PEX5L: variants seen among roughly 807,000 people sequenced by gnomAD.
PEX5L encodes the protein peroxisomal biogenesis factor 5 like, also known as PEX5-related protein.
A neutral mutation model predicts 84.0 loss-of-function variants in PEX5L; 30 were observed. The observed-to-expected ratio is 0.36, with a 90% CI of 0.27 to 0.48. The LOEUF (loss-of-function observed/expected upper bound fraction) is 0.48. Ranked by LOEUF, PEX5L falls within the 20% of genes least tolerant of loss-of-function variation. The probability of loss-of-function intolerance (pLI) is 0.99; values close to 1 mark genes in which losing one functional copy is unlikely to be tolerated. For missense variants in PEX5L, 533 were observed against 754.6 expected, an observed-to-expected ratio of 0.71 and a Z score of 3.44; for synonymous variants, 270 against 283.1, an observed-to-expected ratio of 0.95 and a Z score of 0.46.
chr3:180,023,641 A>T (rs1420872956), intron 1 of PEX5L, among the ~76,000 whole-genome samples: 1 of 152,204 alleles, frequency 6.6e-6, no homozygotes, highest in Non-Finnish European at 1.5e-5. Flanking sequence ...AAAGCCAGTA[A>T]GCCTTTAAAG....
Position 179,809,510 on chromosome 3 carries a change from G to A in PEX5L, c.1313C>T (p.Pro438Leu), listed in dbSNP as rs1262499043. The change falls in exon 12 of 15, where the codon CCA (proline) becomes CTA (leucine). Residue 438 changes from proline (P) to leucine (L), a missense_variant. This residue lies in a region of PEX5L where 63 missense variants were observed against 60.2 expected (regional missense o/e 1.05). Transcript: ENST00000467460. ...KYLVKSKKGS[P>L]GLTRRMSKSP... The stretch of plus-strand genomic sequence containing the variant: ...CTTAGACATCCGCCGGGTGAGGCCT[G>A]GAGATCCCTTCTTGCTTTTCACAAG... The A allele has an allele frequency of 4.3e-6, 7 of 1,613,978 alleles. No homozygotes were observed. Among genetic ancestry groups the A allele is most frequent in the African/African-American group, 1.3e-5 (1 of 74,908 alleles).
At position 179,836,509 on chromosome 3, in the gene PEX5L, T is replaced by C. The variant is rs188736190; in HGVS notation, c.823-16533A>G. On this transcript the variant is annotated intron_variant, in intron 8 of 14. Coordinates refer to ENST00000467460, the MANE Select transcript of PEX5L (RefSeq NM_016559.3). The stretch of plus-strand genomic sequence containing the variant: ...AAACTAAGTGATTTATTTGACCTTT[T>C]GAGAAATCAGGAGAGAGAGAAGAGA... 3.6e-3 allele frequency among the ~76,000 whole-genome samples: 544 copies of C among 152,266 alleles called. 6 individuals carry two copies. The highest frequency in any genetic ancestry group is 0.012 in the African/African-American group (517 of 41,566).
At chr3:179,803,539 A>C (rs1719944369) in intron 14 of PEX5L, among the ~76,000 whole-genome samples, 1 of 152,188 alleles carries the variant, frequency 6.6e-6, no homozygotes, top group South Asian at 2.1e-4. Context: ...TGCCAGGTGC[A>C]CCTGCTGGGT....
chr3:180,034,717 T>C (rs1791748491), intron 1 of PEX5L, among the ~76,000 whole-genome samples: 3 of 152,160 alleles, frequency 2.0e-5, no homozygotes, highest in African/African-American at 7.2e-5. Context: ...GGTGGATGTA[T>C]TGATTACAGT....
At chr3:179,885,714 C>T (rs1011542235) in intron 4 of PEX5L, among the ~76,000 whole-genome samples, 8 of 151,310 alleles carry the variant, frequency 5.3e-5, no homozygotes, top group Non-Finnish European at 4.4e-5. Flanking sequence ...GGGAAGCACA[C>T]ATGCAGAGAA....
intron 2 of PEX5L, among the ~76,000 whole-genome samples, chr3:179,961,193 G>A (rs1164128928): frequency 1.5e-5 from 2 of 137,912 alleles, no homozygotes; most frequent in Non-Finnish European, 3.2e-5. Flanking sequence ...GATCACTTGT[G>A]TATGTGTATG....
Position 179,796,009 on chromosome 3 carries a change from G to A in PEX5L, c.*5819C>T, listed in dbSNP as rs967839707. 6.6e-6 allele frequency: 1 copy of A among 152,066 alleles called. No individual in the cohort carries two copies. The highest frequency in any genetic ancestry group is 2.4e-5 in the African/African-American group (1 of 41,420). 9.4% of individuals were successfully genotyped at this position (152,066 alleles called of 1,614,324 possible). On this transcript the variant is annotated 3_prime_UTR_variant, in exon 15 of 15. Transcript: ENST00000467460. ...ATTTCCCTTAACTACTGGTAATGTA[G>A]TCCATCATGAACACATTTCTCACAT...
intron 1 of PEX5L, among the ~76,000 whole-genome samples, chr3:179,996,095 T>C (rs1302069723): frequency 6.6e-6 from 1 of 152,128 alleles, no homozygotes; most frequent in African/African-American, 2.4e-5. Flanking sequence ...CTTGAGGTAG[T>C]TGCCAAGCAA....
At position 179,958,602 on chromosome 3, in the gene PEX5L, C is replaced by T. The variant is rs113573134; in HGVS notation, c.93+12992G>A. The stretch of plus-strand genomic sequence containing the variant: ...ACAAATATCGGGTTAACAAGTTTCA[C>T]CTCTTGGTCTCCCTCATTTATGCTT... On this transcript the variant is annotated intron_variant, in intron 2 of 14. Coordinates refer to ENST00000467460, the MANE Select transcript of PEX5L (RefSeq NM_016559.3). Among the ~76,000 whole-genome samples, 31 of 152,268 alleles carry T rather than the reference C, an allele frequency of 2.0e-4. 1 individual carries two copies. Among genetic ancestry groups the T allele is most frequent in the Admixed American group, 7.2e-4 (11 of 15,296 alleles).
intron 3 of PEX5L, among the ~76,000 whole-genome samples, chr3:179,894,619 T>C (rs962511667): frequency 6.6e-6 from 1 of 152,110 alleles, no homozygotes; most frequent in African/African-American, 2.4e-5. Flanking sequence ...AAGTTAGAAA[T>C]GGAAACCCAA....
chr3:179,828,144 A>G (rs538228465), intron 8 of PEX5L, among the ~76,000 whole-genome samples: 9 of 152,020 alleles, frequency 5.9e-5, no homozygotes, highest in East Asian at 5.8e-4. Context: ...GTAATTTCCC[A>G]TTCACTGATA....
chr3:180,000,503 A>G (rs1370966236), intron 1 of PEX5L, among the ~76,000 whole-genome samples: 1 of 152,156 alleles, frequency 6.6e-6, no homozygotes, highest in Non-Finnish European at 1.5e-5. Context: ...AGGAAAAAAA[A>G]CCACGACCTG....
At chr3:179,988,545 C>T (rs180801387) in intron 1 of PEX5L, among the ~76,000 whole-genome samples, 1 of 152,266 alleles carries the variant, frequency 6.6e-6, no homozygotes, top group Non-Finnish European at 1.5e-5. Context: ...ATGTACACTT[C>T]CCCCACATCT....
intron 8 of PEX5L, among the ~76,000 whole-genome samples, chr3:179,820,721 G>A (rs1728192061): frequency 6.6e-6 from 1 of 152,258 alleles, no homozygotes; most frequent in Non-Finnish European, 1.5e-5. Context: ...CAAGGGAGGT[G>A]TGTGTTCCTA....
intron 8 of PEX5L, among the ~76,000 whole-genome samples, chr3:179,851,826 T>C (rs1338431860): frequency 6.6e-6 from 1 of 152,186 alleles, no homozygotes; most frequent in East Asian, 1.9e-4. Context: ...AAGGTTTTCA[T>C]TCATTCTCTT....
At chr3:179,952,355 G>T (rs1384648517) in intron 2 of PEX5L, among the ~76,000 whole-genome samples, 1 of 152,072 alleles carries the variant, frequency 6.6e-6, no homozygotes, top group Non-Finnish European at 1.5e-5. Context: ...ATTTCAGAAA[G>T]GGTCTACCGC....
At chr3:179,976,310 C>T (rs1017275709) in intron 1 of PEX5L, among the ~76,000 whole-genome samples, 1 of 152,146 alleles carries the variant, frequency 6.6e-6, no homozygotes, top group Non-Finnish European at 1.5e-5. Flanking sequence ...AAGTCATTAA[C>T]GACTTCAGGA....
chr3:179,848,417 G>A (rs1368902918), intron 8 of PEX5L, among the ~76,000 whole-genome samples: 2 of 151,840 alleles, frequency 1.3e-5, no homozygotes, highest in Non-Finnish European at 2.9e-5. Flanking sequence ...CAGGCATGGT[G>A]GTACATGTCT....
At chr3:179,909,956 C>A (rs1764607092) in intron 2 of PEX5L, among the ~76,000 whole-genome samples, 1 of 152,188 alleles carries the variant, frequency 6.6e-6, no homozygotes, top group African/African-American at 2.4e-5. Context: ...CTTAAGCCAC[C>A]AATCTGTGGT....
Sources: allele counts gnomAD v4.1 joint callset (sites outside exome capture counted in the v4.1 genomes callset), GRCh38; gene constraint gnomAD v4.1.1; regional missense constraint gnomAD v4.1.1; transcripts MANE v1.5; gene names NCBI Gene and HGNC (gene_info 2026-07-23, HGNC 2026-07-21).